The following ADGRB3 variants were observed in gnomAD, a reference collection of about 807,000 sequenced individuals.
ADGRB3 encodes brain-specific angiogenesis inhibitor 3.
Under a neutral mutation model 193.4 loss-of-function variants are expected in ADGRB3, and 37 were observed. That is an observed-to-expected ratio of 0.19 (90% CI 0.15 to 0.25). ADGRB3 has a LOEUF of 0.25. ADGRB3 is among the 10% of genes least tolerant of loss of function. The pLI is 1.00. For missense variants in ADGRB3, 1,637 were observed against 1,852.9 expected (o/e 0.88, Z 2.14); for synonymous variants, 690 against 644.2 (o/e 1.07, Z -1.08).
At chr6:68,991,090 G>A (rs930619847) in intron 10 of ADGRB3, among the ~76,000 whole-genome samples, 10 of 151,964 alleles carry the variant, frequency 6.6e-5, no homozygotes, top group African/African-American at 2.4e-4. Context: ...CAGCTCAGAA[G>A]CAGCACTACC....
At chr6:69,066,093 C>A (rs995553307) in intron 16 of ADGRB3, among the ~76,000 whole-genome samples, 2 of 151,454 alleles carry the variant, frequency 1.3e-5, no homozygotes, top group Non-Finnish European at 2.9e-5. Flanking sequence ...GTTCTGGAAC[C>A]AACCCCCTGT....
intron 3 of ADGRB3, among the ~76,000 whole-genome samples, chr6:68,828,795 G>A (rs1244115872): frequency 6.6e-6 from 1 of 152,106 alleles, no homozygotes; most frequent in Non-Finnish European, 1.5e-5. Context: ...CTACCTGGGT[G>A]ATTATCAAAA....
intron 11 of ADGRB3, among the ~76,000 whole-genome samples, chr6:69,012,781 C>T (rs1769974418): frequency 6.6e-6 from 1 of 151,988 alleles, no homozygotes; most frequent in Non-Finnish European, 1.5e-5. Flanking sequence ...GGAAATTAAG[C>T]AGCTTTGTTT....
At chr6:69,116,313 T>C (rs932279090) in intron 17 of ADGRB3, among the ~76,000 whole-genome samples, 2 of 152,156 alleles carry the variant, frequency 1.3e-5, no homozygotes, top group Admixed American at 6.5e-5. Flanking sequence ...GCCAAGCCAA[T>C]ACATAAAATT....
At chr6:68,782,128 C>T (rs978305622) in intron 3 of ADGRB3, among the ~76,000 whole-genome samples, 2 of 116,194 alleles carry the variant, frequency 1.7e-5, no homozygotes, top group African/African-American at 3.3e-5. Context: ...CCCCTCCCCC[C>T]ACCCCACAAC....
intron 20 of ADGRB3, among the ~76,000 whole-genome samples, chr6:69,320,128 G>T (rs75087701): frequency 1.3e-5 from 2 of 151,290 alleles, no homozygotes; most frequent in Non-Finnish European, 3.0e-5. Context: ...CTATAATCTA[G>T]AATTAATCAG....
chr6:68,662,088 T>C (rs978475282), intron 3 of ADGRB3, among the ~76,000 whole-genome samples: 3 of 151,432 alleles, frequency 2.0e-5, no homozygotes, highest in African/African-American at 4.8e-5. Context: ...GAGCCAAGTA[T>C]GGTGCAGAAA....
chr6:69,330,117 T>C (rs1211684212), intron 22 of ADGRB3, among the ~76,000 whole-genome samples: 3 of 151,990 alleles, frequency 2.0e-5, no homozygotes, highest in African/African-American at 7.2e-5. Context: ...TAAAAAAAAA[T>C]ACACTGGTCT....
intron 20 of ADGRB3, among the ~76,000 whole-genome samples, chr6:69,305,606 T>C (rs573790103): frequency 6.7e-6 from 1 of 150,110 alleles, no homozygotes; most frequent in East Asian, 2.0e-4. Context: ...TGGTGGGGAG[T>C]GGGGGAGAAA....
At chr6:68,897,514 A>C (rs1314537933) in intron 3 of ADGRB3, among the ~76,000 whole-genome samples, 1 of 98,086 alleles carries the variant, frequency 1.0e-5, no homozygotes, top group Admixed American at 9.9e-5. Context: ...GGAAGGAAGG[A>C]AGGGAGGGAG....
At chr6:68,854,945 C>T (rs923602318) in intron 3 of ADGRB3, among the ~76,000 whole-genome samples, 1 of 152,050 alleles carries the variant, frequency 6.6e-6, no homozygotes, top group African/African-American at 2.4e-5. Context: ...GCTGCTTAAT[C>T]CTGCCCCAAA....
chr6:69,385,567 T>C (rs1770052688), intron 31 of ADGRB3, among the ~76,000 whole-genome samples: 2 of 152,132 alleles, frequency 1.3e-5, no homozygotes. Context: ...CTTTGGCTTA[T>C]ATGGAATTTA....
At chr6:68,910,263 T>A (rs1766663437) in intron 3 of ADGRB3, among the ~76,000 whole-genome samples, 1 of 152,248 alleles carries the variant, frequency 6.6e-6, no homozygotes, top group Non-Finnish European at 1.5e-5. Context: ...GTTTGTTTTT[T>A]TCTTGTTAAT....
chr6:69,156,060 A>G (rs371329429), intron 17 of ADGRB3, among the ~76,000 whole-genome samples: 1 of 152,194 alleles, frequency 6.6e-6, no homozygotes, highest in South Asian at 2.1e-4. Context: ...ATTTAAAAAT[A>G]TTTAATTGAG....
chr6:69,273,100 C>A (rs1767216361), intron 20 of ADGRB3, among the ~76,000 whole-genome samples: 1 of 152,102 alleles, frequency 6.6e-6, no homozygotes. Context: ...GGGGTTTCAC[C>A]ATGTTGGCCA....
chr6:68,866,010 A>G (rs1031219105), intron 3 of ADGRB3, among the ~76,000 whole-genome samples: 1 of 152,124 alleles, frequency 6.6e-6, no homozygotes, highest in African/African-American at 2.4e-5. Flanking sequence ...TGGTTCTGTA[A>G]TCTCTTGAGA....
At chr6:69,109,467 G>GT (rs1773306600) in intron 17 of ADGRB3, among the ~76,000 whole-genome samples, 1 of 152,124 alleles carries the variant, frequency 6.6e-6, no homozygotes, top group African/African-American at 2.4e-5. Flanking sequence ...AGTAAAAATA[G>GT]CAATGATAAG....
chr6:69,092,414 A>G (rs936982417), intron 17 of ADGRB3, among the ~76,000 whole-genome samples: 1 of 152,126 alleles, frequency 6.6e-6, no homozygotes, highest in African/African-American at 2.4e-5. Flanking sequence ...TAGACTGTAA[A>G]TTTCTTAGAA....
intron 11 of ADGRB3, among the ~76,000 whole-genome samples, chr6:69,008,705 C>T (rs1769845248): frequency 6.6e-6 from 1 of 151,990 alleles, no homozygotes; most frequent in South Asian, 2.1e-4. Context: ...AAGAAGAGGC[C>T]CATTCCTTGC....
Sources: allele counts gnomAD v4.1 joint callset (sites outside exome capture counted in the v4.1 genomes callset), GRCh38; gene constraint gnomAD v4.1.1; transcripts MANE v1.5; gene names NCBI Gene and HGNC (gene_info 2026-07-23, HGNC 2026-07-21).